PDXDC1: variants seen among roughly 807,000 people sequenced by gnomAD.
PDXDC1 encodes pyridoxal-dependent decarboxylase domain-containing protein 1.
A neutral mutation model predicts 100.1 loss-of-function variants in PDXDC1; 42 were observed. That is an observed-to-expected ratio of 0.42 (90% CI 0.33 to 0.54). PDXDC1 has a LOEUF of 0.54. Ranked by LOEUF, PDXDC1 falls within the 20% of genes least tolerant of loss-of-function variation. PDXDC1 has a pLI of 0.10. For missense variants in PDXDC1, 636 were observed against 979.2 expected, an observed-to-expected ratio of 0.65 and a Z score of 4.68; for synonymous variants, 260 against 371.7, an observed-to-expected ratio of 0.70 and a Z score of 3.46.
At chr16:15,038,793 T>C (rs972810095), downstream of PDXDC1, 3 of 632,504 alleles carry the variant, frequency 4.7e-6, no homozygotes, top group Non-Finnish European at 8.3e-6. Flanking sequence ...TTTATCTGCC[T>C]AAGCTTCTTA....
At chr16:15,132,835 G>C in intron 16 of PDXDC1, 3 of 1,568,526 alleles carry the variant, frequency 1.9e-6, no homozygotes, top group Non-Finnish European at 1.7e-6. Context: ...GCTGCCGCTC[G>C]TGCTTGGGCT....
chr16:15,037,849 C>A lies in PDXDC1; in HGVS notation c.*1574C>A. 2.0e-6 allele frequency: 1 copy of A among 511,848 alleles called. No homozygotes were observed. Among genetic ancestry groups the A allele is most frequent in the East Asian group, 3.1e-5 (1 of 32,176 alleles). 31.7% of individuals were successfully genotyped at this position (511,848 alleles called of 1,614,324 possible). On this transcript the variant is annotated 3_prime_UTR_variant, in exon 23 of 23. Coordinates refer to ENST00000396410, the MANE Select transcript of PDXDC1 (RefSeq NM_015027.4). ...TAGTAAACCAAAAAATAAGTCTCAA[C>A]AAATGCCTTTGCCAAAATAAGGTTT...
intron 16 of PDXDC1, among the ~76,000 whole-genome samples, chr16:15,050,066 T>C (rs568585287): frequency 1.3e-5 from 2 of 152,324 alleles, no homozygotes; most frequent in East Asian, 1.9e-4. Context: ...TTCTATCACA[T>C]AGTTATTGTT....
At chr16:15,122,217 G>T (rs1598174497) in intron 16 of PDXDC1, among the ~76,000 whole-genome samples, 2 of 151,528 alleles carry the variant, frequency 1.3e-5, no homozygotes, top group East Asian at 3.9e-4. Flanking sequence ...CAAATCAAAT[G>T]ACATTTCACT....
At position 15,000,988 on chromosome 16, in the gene PDXDC1, T is replaced by G. The variant is rs1205276423; in HGVS notation, c.162-788T>G. 2.0e-5 allele frequency among the ~76,000 whole-genome samples: 3 copies of G among 151,194 alleles called. No individual in the cohort carries two copies. The East Asian group carries it at 5.8e-4, about 29-fold the overall frequency. The stretch of plus-strand genomic sequence containing the variant: ...TACATATTATAAGGCCTTTTTGCTC[T>G]TATTACATGCTTATTAAATATTCTC... On this transcript the variant is annotated intron_variant, in intron 3 of 22. Transcript: ENST00000396410.
intron 16 of PDXDC1, among the ~76,000 whole-genome samples, chr16:15,095,848 CAAAA>C (rs770655135): frequency 8.0e-6 from 1 of 124,508 alleles, no homozygotes; most frequent in African/African-American, 3.0e-5. Flanking sequence ...AACTGTGTCT[CAAAA>C]AAAAAAAAGG....
rs2043633633 is a variant in PDXDC1 at position 15,038,323 on chromosome 16, T to TAA, written c.*2049_*2050dup. The TAA allele has an allele frequency of 6.3e-6, 5 of 789,054 alleles. No homozygotes were observed. In the South Asian group the frequency reaches 8.0e-5, roughly 13 times the overall value. 48.9% of individuals were successfully genotyped at this position (789,054 alleles called of 1,614,324 possible). A position where few individuals can be genotyped will look rare whatever the true frequency, so the allele number is the denominator to read the frequency against. On this transcript the variant is annotated 3_prime_UTR_variant, in exon 23 of 23. Transcript: ENST00000396410. ...CACAAATATATATAATAAAATACGT[T>TAA]AAGAAATGAGGTGGCCTGAATTAGT...
chr16:15,007,374 C>T (rs1192476327), intron 6 of PDXDC1, among the ~76,000 whole-genome samples: 1 of 152,326 alleles, frequency 6.6e-6, no homozygotes, highest in African/African-American at 2.4e-5. Flanking sequence ...TGGGGTTTCA[C>T]CGTGTTAGCC....
intron 17 of PDXDC1, 119 bp from the exon 18 acceptor site, chr16:15,032,742 G>A: frequency 1.5e-6 from 1 of 678,054 alleles, no homozygotes; most frequent in East Asian, 2.6e-5. Context: ...ACTCGCAGTA[G>A]CTCTTTTGCC....
At chr16:15,061,482 G>C (rs966562553) in intron 16 of PDXDC1, 1 of 390,558 alleles carries the variant, frequency 2.6e-6, no homozygotes, top group Non-Finnish European at 4.5e-6. Context: ...TATTAAACAA[G>C]CAAATCCTTC....
chr16:15,104,199 T>A, intron 16 of PDXDC1: 1 of 955,086 alleles, frequency 1.0e-6, no homozygotes, highest in Non-Finnish European at 1.4e-6. Flanking sequence ...AATAATATTT[T>A]ACATAACCAA....
intron 16 of PDXDC1, chr16:15,133,141 G>A (rs1311852866): frequency 4.1e-6 from 3 of 723,610 alleles, no homozygotes; most frequent in South Asian, 3.3e-5. Flanking sequence ...GCTGCTTCAG[G>A]GTCACTGGGA....
chr16:15,068,930 A>G (rs1178816631), intron 16 of PDXDC1, among the ~76,000 whole-genome samples: 1 of 152,218 alleles, frequency 6.6e-6, no homozygotes, highest in Non-Finnish European at 1.5e-5. Context: ...ACGTATTTCA[A>G]TAAAAATTAC....
Position 15,006,421 on chromosome 16 carries a change from C to A in PDXDC1, c.417C>A (p.His139Gln). The A allele has an allele frequency of 6.3e-7, 1 of 1,594,888 alleles. No homozygotes were observed. The highest frequency in any genetic ancestry group is 1.1e-5 in the South Asian group (1 of 89,264). The change falls in exon 6 of 23, where the codon CAC becomes CAA. Residue 139 changes from histidine (H) to glutamine (Q), a missense_variant. His to Gln is a conservative substitution (Grantham distance 24, BLOSUM62 0). Around this residue, in one of 4 missense-constraint regions of PDXDC1, gnomAD observed 125 missense variants for 479.9 expected, o/e 0.26. Coordinates refer to ENST00000396410, the MANE Select transcript of PDXDC1 (RefSeq NM_015027.4). Reference sequence around the variant, plus strand: ...ATGAAAATGGGTGTGCTTATTTCCACGAAGAGGAAAGAGAAGGACTTGCAA... The same window carrying A: ...ATGAAAATGGGTGTGCTTATTTCCAAGAAGAGGAAAGAGAAGGACTTGCAA... Reference protein sequence around the residue: ...FRYENGCAYFHEEEREGLAKI... With the variant: ...FRYENGCAYFQEEEREGLAKI...
intron 8 of PDXDC1, among the ~76,000 whole-genome samples, chr16:15,012,602 G>A (rs2041411090): frequency 6.6e-6 from 1 of 152,294 alleles, no homozygotes; most frequent in Admixed American, 6.5e-5. Flanking sequence ...CCCAACACTT[G>A]GGAAGGCTGA....
intron 16 of PDXDC1, chr16:15,128,199 A>G: frequency 6.2e-7 from 1 of 1,610,948 alleles, no homozygotes; most frequent in Non-Finnish European, 8.5e-7. Context: ...AGAGGGGCAG[A>G]GCTTGGCAGG....
intron 1 of PDXDC1, among the ~76,000 whole-genome samples, chr16:14,987,872 A>G (rs1969750341): frequency 1.3e-5 from 2 of 151,830 alleles, no homozygotes; most frequent in Admixed American, 1.3e-4. Context: ...TTGGTCTCCC[A>G]AAGTGCTGGG....
At chr16:15,097,888 T>G (rs1598052407) in intron 16 of PDXDC1, among the ~76,000 whole-genome samples, 2 of 151,062 alleles carry the variant, frequency 1.3e-5, no homozygotes, top group Admixed American at 1.3e-4. Flanking sequence ...TTGCATTTTA[T>G]AAAGTTATCT....
At chr16:14,996,545 A>G (rs1972017046) in intron 1 of PDXDC1, among the ~76,000 whole-genome samples, 1 of 152,286 alleles carries the variant, frequency 6.6e-6, no homozygotes, top group Admixed American at 6.5e-5. Flanking sequence ...GATTAAGAAT[A>G]GAGAAAGGAA....
Sources: gnomAD v4.1 joint callset for allele counts (sites outside exome capture counted in the v4.1 genomes callset) on GRCh38, gnomAD v4.1.1 for gene constraint, gnomAD v4.1.1 regional missense constraint, MANE v1.5 for transcripts, NCBI Gene and HGNC (gene_info 2026-07-23, HGNC 2026-07-21) for gene names.